Variants in TXNDC11 observed in about 807,000 individuals in gnomAD.
TXNDC11 encodes the protein thioredoxin domain containing 11, also known as thioredoxin domain-containing protein 11.
Under a neutral mutation model 78.0 loss-of-function variants are expected in TXNDC11, and 68 were observed. The observed-to-expected ratio is 0.87, with a 90% CI of 0.72 to 1.07. The LOEUF (loss-of-function observed/expected upper bound fraction) is 1.07, where lower values mean the gene tolerates loss of function less well. TXNDC11 is among the 50% of genes least tolerant of loss of function. The pLI is 0.00. For missense variants in TXNDC11, 1,389 were observed against 1,221.8 expected, an observed-to-expected ratio of 1.14 and a Z score of -2.04; for synonymous variants, 571 against 495.2, an observed-to-expected ratio of 1.15 and a Z score of -2.03.
Position 11,730,628 on chromosome 16 carries a change from A to G in TXNDC11, c.699+17T>C. Reference sequence around the variant, plus strand: ...AAAGGCCTTGAGTATGGAGGAGGAGATATGAAAGACAAGTACCTCGTAGTT... The same window carrying G: ...AAAGGCCTTGAGTATGGAGGAGGAGGTATGAAAGACAAGTACCTCGTAGTT... On this transcript the variant is annotated intron_variant, in intron 4 of 11. Coordinates refer to ENST00000283033, the MANE Select transcript of TXNDC11 (RefSeq NM_015914.7). 6.2e-7 allele frequency: 1 copy of G among 1,613,098 alleles called. No homozygotes were observed. Among genetic ancestry groups the G allele is most frequent in the Non-Finnish European group, 8.5e-7 (1 of 1,179,274 alleles).
At chr16:11,711,728 G>A (rs1052419759) in intron 5 of TXNDC11, among the ~76,000 whole-genome samples, 3 of 152,148 alleles carry the variant, frequency 2.0e-5, no homozygotes, top group South Asian at 2.1e-4. Context: ...AGTAAGAAGC[G>A]GAGCTTTTTA....
intron 1 of TXNDC11, among the ~76,000 whole-genome samples, chr16:11,736,635 C>A (rs1254437902): frequency 6.6e-6 from 1 of 152,288 alleles, no homozygotes; most frequent in East Asian, 1.9e-4. Context: ...ATGTAAACTA[C>A]CATTAACAAG....
rs1258255887 is a variant in TXNDC11, at chr16:11,698,378, G to C, written c.907-53C>G. ...AAGGAGAGCTCGTGAGGTGGGGCAAGCTCAAGGCACATCAGTGCTGTTCCA... is the reference window on the plus strand; with the variant it reads ...AAGGAGAGCTCGTGAGGTGGGGCAACCTCAAGGCACATCAGTGCTGTTCCA... On this transcript the variant is annotated intron_variant, in intron 6 of 11. Coordinates refer to ENST00000283033, the MANE Select transcript of TXNDC11 (RefSeq NM_015914.7). 2.0e-6 allele frequency: 3 copies of C among 1,534,328 alleles called. No homozygotes were observed. The African/African-American group carries it at 4.1e-5, about 21-fold the overall frequency.
In TXNDC11 at chr16:11,703,761, G is replaced by A. The variant is rs893319601; in HGVS notation, c.794-3197C>T. The A allele has an allele frequency of 1.1e-5, 8 of 700,770 alleles. No homozygotes were observed. The African/African-American group carries it at 1.4e-4, about 12-fold the overall frequency. 43.4% of individuals were successfully genotyped at this position (700,770 alleles called of 1,614,324 possible). ...AGGTTGATTCCAGAGCTGGGGTGAA[G>A]AAAGTACAAGATAAGCCTGAAATAT... On this transcript the variant is annotated intron_variant, in intron 5 of 11. Transcript: ENST00000283033.
At position 11,700,600 on chromosome 16, in the gene TXNDC11, C is replaced by T. The variant is rs769809641; in HGVS notation, c.794-36G>A. 9.3e-6 allele frequency: 10 copies of T among 1,080,732 alleles called. No individual in the cohort carries two copies. The Admixed American group carries it at 1.1e-4, about 12-fold the overall frequency. The allele number at this position is 1,080,732 out of a possible 1,614,324, so 66.9% of individuals were successfully genotyped here. ...AAATTTTCCTTTATTAAAGAAAAGG[C>T]CTGTGCCTTAAAACAACCACAAAAC... is the stretch of plus-strand genomic sequence containing the variant. On this transcript the variant is annotated intron_variant, in intron 5 of 11. Transcript: ENST00000283033.
Position 11,742,674 on chromosome 16 carries a change from G to A in TXNDC11, c.57C>T (p.Asp19=), listed in dbSNP as rs756131174. ...GGSSSSEDAE[D]EGGGGGGPAG... ...CGGGGCCGCCGCCGCCCCCTCCCTC[G>A]TCCTCGGCGTCCTCGCTGCTGCTGC... The change falls in exon 1 of 12, where the codon GAC becomes GAT. Residue 19 remains aspartate (D), a synonymous_variant. Coordinates refer to ENST00000283033, the MANE Select transcript of TXNDC11 (RefSeq NM_015914.7). The A allele has an allele frequency of 1.8e-5, 27 of 1,465,810 alleles. No homozygotes were observed. The East Asian group carries it at 6.7e-4, about 37-fold the overall frequency. The allele number at this position is 1,465,810 out of a possible 1,614,324, so 90.8% of individuals were successfully genotyped here.
At chr16:11,699,652 A>G (rs1023068232) in intron 6 of TXNDC11, among the ~76,000 whole-genome samples, 2 of 152,264 alleles carry the variant, frequency 1.3e-5, no homozygotes, top group African/African-American at 2.4e-5. Flanking sequence ...GCAAGGGGGC[A>G]CCCCTGGAGT....
chr16:11,691,951 T>G lies in TXNDC11; in HGVS notation c.1239A>C (p.Pro413=), dbSNP rs573110906. The G allele has an allele frequency of 1.2e-6, 2 of 1,611,208 alleles. No individual in the cohort carries two copies. Among genetic ancestry groups the G allele is most frequent in the African/African-American group, 1.3e-5 (1 of 75,034 alleles). Residue 413 remains proline, a synonymous_variant, in exon 8 of 12, where the codon CCA becomes CCC. Coordinates refer to ENST00000283033, the MANE Select transcript of TXNDC11 (RefSeq NM_015914.7). The stretch of plus-strand genomic sequence containing the variant: ...GGGACGCTGTGATCGTTGGCGGGTC[T>G]GGCAGCTGTGCCGGCACTTCCAGGG... ...SLALEVPAQL[P]DPPTITASPC... is the part of the protein sequence containing the mutation.
chr16:11,722,337 C>T (rs1289307062), intron 4 of TXNDC11, among the ~76,000 whole-genome samples: 3 of 152,212 alleles, frequency 2.0e-5, no homozygotes, highest in African/African-American at 7.2e-5. Context: ...CTTCTCTAAG[C>T]TGGGCGTAGA....
chr16:11,694,096 G>GTTTTTTTTTTTTTT (rs2050791738), intron 7 of TXNDC11, among the ~76,000 whole-genome samples: 1 of 110,404 alleles, frequency 9.1e-6, no homozygotes, highest in African/African-American at 4.2e-5. Context: ...CTACAGCAAT[G>GTTTTTTTTTTTTTT]CTTTTTTTTT....
chr16:11,692,338 C>G, intron 7 of TXNDC11: 2 of 413,432 alleles, frequency 4.8e-6, no homozygotes, highest in Non-Finnish European at 8.6e-6. Flanking sequence ...GTGGATGCTG[C>G]CAGCCTGTTA....
chr16:11,736,240 A>C lies in TXNDC11; in HGVS notation c.255-7T>G. The C allele has an allele frequency of 1.9e-6, 3 of 1,590,616 alleles. No homozygotes were observed. The highest frequency in any genetic ancestry group is 1.8e-5 in the Admixed American group (1 of 56,412). On this transcript the variant is annotated splice_region_variant and splice_polypyrimidine_tract_variant and intron_variant, in intron 1 of 11. Coordinates refer to ENST00000283033, the MANE Select transcript of TXNDC11 (RefSeq NM_015914.7). Reference sequence around the variant, plus strand: ...TATCACATCTTTTGCTCGACTAAAAAAGAGCAAACACAGAAAAGATTGCTT... The same window carrying C: ...TATCACATCTTTTGCTCGACTAAAACAGAGCAAACACAGAAAAGATTGCTT...
chr16:11,691,011 T>C (rs147339371), intron 8 of TXNDC11: 10,687 of 447,042 alleles, frequency 0.024, 180 homozygotes, highest in Non-Finnish European at 0.033. Context: ...ACCTTAGACA[T>C]GTGACAGAAA....
Position 11,692,092 on chromosome 16 carries a change from A to G in TXNDC11, c.1108-10T>C. 3 of 1,516,172 alleles carry G rather than the reference A, an allele frequency of 2.0e-6. No individual in the cohort carries two copies. The highest frequency in any genetic ancestry group is 2.6e-6 in the Non-Finnish European group (3 of 1,132,614). The allele number at this position is 1,516,172 out of a possible 1,614,324, so 93.9% of individuals were successfully genotyped here. A position where few individuals can be genotyped will look rare whatever the true frequency, so the allele number is the denominator to read the frequency against. On this transcript the variant is annotated splice_polypyrimidine_tract_variant and intron_variant, in intron 7 of 11. Transcript: ENST00000283033. ...AGGCCACTTCGGTGATCTGAAATAC[A>G]GGGCAGAGTTGGTGAAGGGCTTGGG...
chr16:11,730,996 C>A (rs1408969826), intron 3 of TXNDC11, among the ~76,000 whole-genome samples: 2 of 152,110 alleles, frequency 1.3e-5, no homozygotes, highest in Non-Finnish European at 2.9e-5. Flanking sequence ...CCCTACCCTT[C>A]TATGATCTTG....
chr16:11,699,561 G>T (rs1213734368), intron 6 of TXNDC11, among the ~76,000 whole-genome samples: 1 of 152,226 alleles, frequency 6.6e-6, no homozygotes, highest in East Asian at 1.9e-4. Flanking sequence ...AAATACATTT[G>T]ACTTTTGGAA....
In TXNDC11 at chr16:11,684,187, C is replaced by T. The variant is rs61741517; in HGVS notation, c.2212G>A (p.Val738Ile). Residue 738 changes from valine (V) to isoleucine (I), a missense_variant, in exon 11 of 12, where the codon GTC becomes ATC. Physicochemically the swap from Val to Ile is conservative, Grantham distance 29. Transcript: ENST00000283033. ...WEFMVDRLPT[V>I]LFFPCNRKDL... ...TACCTGTTGCAGGGAAAAAACAAGA[C>T]AGTAGGAAGACGATCGACCATAAAT... 54 of 1,613,864 alleles carry T rather than the reference C, an allele frequency of 3.3e-5. 1 individual carries two copies. The African/African-American group carries it at 6.5e-4, about 20-fold the overall frequency.
At chr16:11,703,380 T>C (rs1199299325) in intron 5 of TXNDC11, among the ~76,000 whole-genome samples, 1 of 152,192 alleles carries the variant, frequency 6.6e-6, no homozygotes, top group African/African-American at 2.4e-5. Context: ...GTAAGTACAT[T>C]ATACATAATT....
chr16:11,692,927 C>A (rs1451739591), intron 7 of TXNDC11, among the ~76,000 whole-genome samples: 1 of 152,140 alleles, frequency 6.6e-6, no homozygotes. Context: ...CCATCTGTTC[C>A]CAAGGCCCAG....
Sources: gnomAD v4.1 joint callset for allele counts (sites outside exome capture counted in the v4.1 genomes callset) on GRCh38, gnomAD v4.1.1 for gene constraint, MANE v1.5 for transcripts, NCBI Gene and HGNC (gene_info 2026-07-23, HGNC 2026-07-21) for gene names.